The following ARHGEF4 variants were observed in gnomAD, a reference collection of about 807,000 sequenced individuals.
The protein encoded by ARHGEF4 is Rho guanine nucleotide exchange factor 4, also known as APC-stimulated guanine nucleotide exchange factor 1.
In ARHGEF4, 119 loss-of-function variants were observed where a neutral mutation model predicts 162.0. The observed-to-expected ratio is 0.73, with a 90% CI of 0.63 to 0.86. The LOEUF (loss-of-function observed/expected upper bound fraction) is 0.86. ARHGEF4 is among the 40% of genes least tolerant of loss of function. The probability of loss-of-function intolerance (pLI) is 0.00; values close to 1 mark genes in which losing one functional copy is unlikely to be tolerated. For synonymous variants in ARHGEF4, 1,014 were observed against 979.9 expected, an observed-to-expected ratio of 1.03 and a Z score of -0.65; for missense variants, 2,488 against 2,456.0, an observed-to-expected ratio of 1.01 and a Z score of -0.28.
chr2:131,004,890 AC>A (rs1312383331), intron 4 of ARHGEF4, among the ~76,000 whole-genome samples: 1 of 152,118 alleles, frequency 6.6e-6, no homozygotes, highest in Non-Finnish European at 1.5e-5. Flanking sequence ...TACAGGAGCA[AC>A]CCCATTCCCT....
chr2:130,916,441 TC>T lies in ARHGEF4; in HGVS notation c.2499del (p.Arg834GlyfsTer90). The T allele has an allele frequency of 6.5e-7, 1 of 1,538,754 alleles. No homozygotes were observed. Among genetic ancestry groups the T allele is most frequent in the Non-Finnish European group, 8.7e-7 (1 of 1,144,824 alleles). On this transcript the variant is annotated frameshift_variant, in exon 2 of 14. Coordinates refer to ENST00000409359, the MANE Select transcript of ARHGEF4 (RefSeq NM_001367493.1). LOFTEE classifies it high-confidence loss of function. The stretch of plus-strand genomic sequence containing the variant: ...TGGGGCTCTTCAGGCCCCGAGGGGC[TC>T]CCCAGGGAGAATCCGCCCGCTGCGG... ...RRWGSSGPEGLPRENPPAAAG... is the reference protein window; with the variant it reads ...RRWGSSGPEGXPRENPPAAAG...
chr2:130,889,784 C>T (rs1220104090), intron 1 of ARHGEF4, among the ~76,000 whole-genome samples: 1 of 140,938 alleles, frequency 7.1e-6, no homozygotes, highest in Non-Finnish European at 1.5e-5. Context: ...TGCACGCCAG[C>T]CCAGGTGACA....
chr2:130,912,598 C>T (rs12328144), intron 1 of ARHGEF4, among the ~76,000 whole-genome samples: 41 of 152,034 alleles, frequency 2.7e-4, no homozygotes, highest in African/African-American at 9.7e-4. Context: ...TGGGAGGGGC[C>T]GGTGGGGTGA....
At chr2:131,040,520 G>C in intron 8 of ARHGEF4, 80 bp downstream of exon 8, 1 of 1,450,814 alleles carries the variant, frequency 6.9e-7, no homozygotes, top group Non-Finnish European at 9.1e-7. Context: ...ACAGCGGGTG[G>C]CTGGTCCCAA....
At chr2:131,040,232 G>A (rs764930942) in intron 7 of ARHGEF4, 29 bp from the exon 8 acceptor site, 12 of 1,609,630 alleles carry the variant, frequency 7.5e-6, no homozygotes, top group South Asian at 1.1e-5. Context: ...GGACCCGGTC[G>A]GGGGAGGCCT....
chr2:130,890,053 G>T (rs953639422), intron 1 of ARHGEF4, among the ~76,000 whole-genome samples: 2 of 152,034 alleles, frequency 1.3e-5, no homozygotes, highest in South Asian at 2.1e-4. Context: ...TGGTTTCACT[G>T]GTTTGTTTAG....
intron 2 of ARHGEF4, among the ~76,000 whole-genome samples, chr2:130,922,002 T>C (rs1216177881): frequency 1.3e-5 from 2 of 151,980 alleles, no homozygotes; most frequent in Admixed American, 6.6e-5. Context: ...TAAGGAACTT[T>C]TTATGTGCTT....
intron 4 of ARHGEF4, among the ~76,000 whole-genome samples, chr2:130,967,623 T>A (rs1018416178): frequency 2.0e-5 from 3 of 152,224 alleles, no homozygotes; most frequent in African/African-American, 7.2e-5. Context: ...CACATTTATT[T>A]AACACCTGTT....
At chr2:130,957,050 A>T (rs1191660467) in intron 4 of ARHGEF4, among the ~76,000 whole-genome samples, 1 of 152,114 alleles carries the variant, frequency 6.6e-6, no homozygotes, top group African/African-American at 2.4e-5. Flanking sequence ...CCAAAAATAG[A>T]TAAGCCTTTT....
At chr2:131,040,218 C>G in intron 7 of ARHGEF4, 26 bp downstream of exon 7, 1 of 1,609,098 alleles carries the variant, frequency 6.2e-7, no homozygotes, top group Non-Finnish European at 8.5e-7. Flanking sequence ...CGGGCGGTGA[C>G]TGGGGACCCG....
chr2:130,936,883 CTTTCTTTTTTT>C (rs1682975261), intron 3 of ARHGEF4, among the ~76,000 whole-genome samples: 1 of 78,494 alleles, frequency 1.3e-5, no homozygotes, highest in African/African-American at 2.9e-5. Context: ...TTCTCTCTTT[CTTTCTTTTTTT>C]TTTCTTTTTT....
chr2:130,871,767 TC>T (rs1678502953), intron 1 of ARHGEF4, among the ~76,000 whole-genome samples: 1 of 152,112 alleles, frequency 6.6e-6, no homozygotes, highest in South Asian at 2.1e-4. Context: ...AGGTCCACTC[TC>T]CCCTACACTG....
At chr2:130,844,660 G>A (rs1680830117) in intron 1 of ARHGEF4, among the ~76,000 whole-genome samples, 1 of 152,052 alleles carries the variant, frequency 6.6e-6, no homozygotes, top group Non-Finnish European at 1.5e-5. Flanking sequence ...CTCCCATAGA[G>A]CTCTGTGCCC....
Position 130,916,984 on chromosome 2 carries a change from T to G in ARHGEF4, c.3038T>G (p.Leu1013Trp), listed in dbSNP as rs1286747342. The G allele has an allele frequency of 2.8e-5, 44 of 1,550,960 alleles. No individual in the cohort carries two copies. The East Asian group carries it at 1.1e-3, about 38-fold the overall frequency. The change falls in exon 2 of 14, where the codon TTG becomes TGG. Residue 1013 changes from leucine (L) to tryptophan (W), a missense_variant. Transcript: ENST00000409359. ...GCACCCCCACTTGCCTCCACACCTT[T>G]GTCCTCCAGTTTAGTTTCTCCAGAA... Reference protein sequence around the residue: ...HWAPPLASTPLSSSLVSPEHR... With the variant: ...HWAPPLASTPWSSSLVSPEHR...
intron 1 of ARHGEF4, among the ~76,000 whole-genome samples, chr2:130,893,472 C>T (rs1273482572): frequency 6.6e-6 from 1 of 152,218 alleles, no homozygotes; most frequent in Non-Finnish European, 1.5e-5. Flanking sequence ...ACCTGACTGT[C>T]AACTGCCTTG....
chr2:130,952,801 C>T (rs1387796062), intron 4 of ARHGEF4, among the ~76,000 whole-genome samples: 3 of 152,152 alleles, frequency 2.0e-5, no homozygotes, highest in Non-Finnish European at 4.4e-5. Context: ...AACTCCCATT[C>T]ACAATTGTTA....
chr2:130,916,788 C>A lies in ARHGEF4; in HGVS notation c.2842C>A (p.Arg948Ser). The A allele has an allele frequency of 6.4e-7, 1 of 1,550,512 alleles. No individual in the cohort carries two copies. Among genetic ancestry groups the A allele is most frequent in the Non-Finnish European group, 8.7e-7 (1 of 1,147,006 alleles). The change falls in exon 2 of 14, where the codon CGC (arginine) becomes AGC (serine). Residue 948 changes from arginine to serine, a missense_variant. Coordinates refer to ENST00000409359, the MANE Select transcript of ARHGEF4 (RefSeq NM_001367493.1). Reference protein sequence around the residue: ...PKGEKEKSRLRQGSWRAFLKS... With the variant: ...PKGEKEKSRLSQGSWRAFLKS... ...GGGCGAGAAGGAGAAGAGCAGGCTG[C>A]GCCAGGGTTCCTGGCGGGCGTTTCT...
chr2:131,038,913 G>T lies in ARHGEF4; in HGVS notation c.4186G>T (p.Asp1396Tyr), dbSNP rs145451788. The change falls in exon 6 of 14, where the codon GAC becomes TAC. Residue 1396 changes from aspartate to tyrosine, a missense_variant. This residue lies in a region of ARHGEF4 where 174 missense variants were observed against 148.3 expected (regional missense o/e 1.17). Transcript: ENST00000409359. ...EALWDHVTMD[D>Y]QELGFKAGDV... ...ACTCTGGGACCATGTCACCATGGAC[G>T]ACCAGGAGCTGGGCTTCAAAGCTGG... 1 of 1,613,634 alleles carries T rather than the reference G, an allele frequency of 6.2e-7. No homozygotes were observed. Among genetic ancestry groups the T allele is most frequent in the South Asian group, 1.1e-5 (1 of 91,054 alleles).
chr2:131,035,961 C>T lies in ARHGEF4; in HGVS notation c.4126-2892C>T, dbSNP rs1336961664. The T allele has an allele frequency of 1.4e-5, 10 of 698,258 alleles. No homozygotes were observed. In the African/African-American group the frequency reaches 1.5e-4, roughly 11 times the overall value. The allele number at this position is 698,258 out of a possible 1,614,324, so 43.3% of individuals were successfully genotyped here. ...GCACAGGAGGGGATCCCGCTCCCTG[C>T]CCTGGGCTATTTGAGTCTCAAATGT... On this transcript the variant is annotated intron_variant, in intron 5 of 13. Coordinates refer to ENST00000409359, the MANE Select transcript of ARHGEF4 (RefSeq NM_001367493.1).
Sources: gnomAD v4.1 joint callset for allele counts (sites outside exome capture counted in the v4.1 genomes callset) on GRCh38, gnomAD v4.1.1 for gene constraint, gnomAD v4.1.1 regional missense constraint, MANE v1.5 for transcripts, NCBI Gene and HGNC (gene_info 2026-07-23, HGNC 2026-07-21) for gene names.